GSTA1: variants seen among roughly 807,000 people sequenced by gnomAD.
GSTA1 encodes the protein glutathione S-transferase A1.
In GSTA1, 23 loss-of-function variants were observed where a neutral mutation model predicts 21.5. That is an observed-to-expected ratio of 1.07 (90% CI 0.77 to 1.52). The LOEUF (loss-of-function observed/expected upper bound fraction) is 1.52. Ranked by LOEUF, GSTA1 falls within the 40% of genes most tolerant of loss-of-function variation. GSTA1 has a pLI of 0.00. For missense variants in GSTA1, 301 were observed against 264.2 expected, an observed-to-expected ratio of 1.14 and a Z score of -0.96; for synonymous variants, 125 against 90.0, an observed-to-expected ratio of 1.39 and a Z score of -2.20.
intron 1 of GSTA1, among the ~76,000 whole-genome samples, chr6:52,801,012 G>C (rs1266321924): frequency 6.6e-6 from 1 of 152,140 alleles, no homozygotes; most frequent in South Asian, 2.1e-4. Context: ...CTCCTGAGTA[G>C]CTGGGATTAC....
chr6:52,802,834 A>G (rs1019155147), intron 1 of GSTA1, among the ~76,000 whole-genome samples: 2 of 152,188 alleles, frequency 1.3e-5, no homozygotes, highest in African/African-American at 2.4e-5. Context: ...CAAATCTGTC[A>G]TATGATGGCT....
At chr6:52,800,158 C>T (rs11969435) in intron 1 of GSTA1, among the ~76,000 whole-genome samples, 48,276 of 152,126 alleles carry the variant, frequency 0.32, 9,113 homozygotes, top group Non-Finnish European at 0.42. Context: ...ATCAGTTACA[C>T]ACTGGTCATT....
At position 52,800,185 on chromosome 6, in the gene GSTA1, C is replaced by T. The variant is rs1034209914; in HGVS notation, c.-30-888G>A. On this transcript the variant is annotated intron_variant, in intron 1 of 6. Coordinates refer to ENST00000334575, the MANE Select transcript of GSTA1 (RefSeq NM_145740.5). ...CTGGTCATTCTTCTAAACTTCTCTT[C>T]GTTTTATCCTACAAAAATCACCTAA... 1.6e-4 allele frequency among the ~76,000 whole-genome samples: 24 copies of T among 152,174 alleles called. 1 individual carries two copies. Among genetic ancestry groups the T allele is most frequent in the East Asian group, 5.8e-4 (3 of 5,202 alleles).
intron 5 of GSTA1, 21 bp downstream of exon 5, chr6:52,794,104 A>G: frequency 6.2e-7 from 1 of 1,613,332 alleles, no homozygotes; most frequent in Non-Finnish European, 8.5e-7. Flanking sequence ...GTTCCCCAAA[A>G]CACTGAACTG....
intron 1 of GSTA1, among the ~76,000 whole-genome samples, chr6:52,800,383 G>T (rs1763687033): frequency 6.6e-6 from 1 of 152,202 alleles, no homozygotes; most frequent in Non-Finnish European, 1.5e-5. Flanking sequence ...TCTTTCAGTA[G>T]ATTGTGAAAG....
intron 6 of GSTA1, among the ~76,000 whole-genome samples, chr6:52,792,564 G>A (rs1350044754): frequency 6.6e-6 from 1 of 152,148 alleles, no homozygotes; most frequent in Non-Finnish European, 1.5e-5. Context: ...AGAGAACTCA[G>A]GAACAGAAAC....
At position 52,796,227 on chromosome 6, in the gene GSTA1, G is replaced by C; in HGVS notation, c.227C>G (p.Ala76Gly). 2 of 1,613,742 alleles carry C rather than the reference G, an allele frequency of 1.2e-6. No homozygotes were observed. The highest frequency in any genetic ancestry group is 1.7e-6 in the Non-Finnish European group (2 of 1,179,938). ...VQTRAILNYIASKYNLYGKDI... is the reference protein window; with the variant it reads ...VQTRAILNYIGSKYNLYGKDI... ...TTTCCCATAGAGGTTGTATTTGCTG[G>C]CAATGTAGTTGAGAATGGCTCTGGT... The change falls in exon 4 of 7, where the codon GCC becomes GGC. Residue 76 changes from alanine to glycine, a missense_variant. Coordinates refer to ENST00000334575, the MANE Select transcript of GSTA1 (RefSeq NM_145740.5).
In GSTA1 at chr6:52,791,434, A is replaced by C; in HGVS notation, c.*424T>G. ...TAAAATGACTGTCCAGGAAAAGAAG[A>C]AAATGTCTTTATGCCATTATCCAGG... On this transcript the variant is annotated 3_prime_UTR_variant, in exon 7 of 7. Transcript: ENST00000334575. Among the ~76,000 whole-genome samples the C allele has an allele frequency of 6.6e-6, 1 of 152,258 alleles. No homozygotes were observed. The highest frequency in any genetic ancestry group is 1.5e-5 in the Non-Finnish European group (1 of 68,038).
intron 3 of GSTA1, among the ~76,000 whole-genome samples, chr6:52,796,540 TATA>T (rs1763593079): frequency 1.8e-5 from 1 of 57,102 alleles, no homozygotes; most frequent in African/African-American, 5.4e-5. Flanking sequence ...TATATATATA[TATA>T]TTTTTTTTTT....
At chr6:52,803,100 AG>A (rs1274459165) in intron 1 of GSTA1, among the ~76,000 whole-genome samples, 3 of 152,084 alleles carry the variant, frequency 2.0e-5, no homozygotes, top group Non-Finnish European at 4.4e-5. Flanking sequence ...GGGGAGGGAA[AG>A]GGGGTTACAA....
At chr6:52,802,526 C>A (rs940539290) in intron 1 of GSTA1, among the ~76,000 whole-genome samples, 5 of 152,172 alleles carry the variant, frequency 3.3e-5, no homozygotes, top group African/African-American at 1.2e-4. Flanking sequence ...TGTCCCAGTG[C>A]TTGGAAGATG....
chr6:52,793,405 A>G (rs564968876), intron 5 of GSTA1, among the ~76,000 whole-genome samples: 2 of 151,996 alleles, frequency 1.3e-5, no homozygotes, highest in Non-Finnish European at 2.9e-5. Flanking sequence ...CTTCATGACA[A>G]CACTCTTCCC....
chr6:52,796,695 A>G (rs1763599247), intron 3 of GSTA1, among the ~76,000 whole-genome samples: 1 of 150,124 alleles, frequency 6.7e-6, no homozygotes. Context: ...GCCATGCACC[A>G]GTGCACATGG....
At chr6:52,792,049 A>G in intron 6 of GSTA1, 69 bp from the exon 7 acceptor site, 1 of 1,598,374 alleles carries the variant, frequency 6.3e-7, no homozygotes, top group Non-Finnish European at 8.5e-7. Context: ...TGACCCAGGG[A>G]ATCTGAGCCC....
intron 3 of GSTA1, among the ~76,000 whole-genome samples, chr6:52,796,543 A>ATATTTTT (rs1300549721): frequency 5.1e-4 from 12 of 23,754 alleles, no homozygotes; most frequent in Non-Finnish European, 8.5e-4. Flanking sequence ...ATATATATAT[A>ATATTTTT]TTTTTTTTTT....
rs1000997845 is a variant in GSTA1, at chr6:52,792,807, C to T, written c.546+49G>A. 15 of 1,612,822 alleles carry T rather than the reference C, an allele frequency of 9.3e-6. No individual in the cohort carries two copies. In the African/African-American group the frequency reaches 1.5e-4, roughly 16 times the overall value. ...AGTCGCAGGGCCCAGATACAAGATCCCAAGATGGGAGATGTGGGGCTGCCT... is the reference window on the plus strand; with the variant it reads ...AGTCGCAGGGCCCAGATACAAGATCTCAAGATGGGAGATGTGGGGCTGCCT... On this transcript the variant is annotated intron_variant, in intron 6 of 6. Coordinates refer to ENST00000334575, the MANE Select transcript of GSTA1 (RefSeq NM_145740.5).
intron 3 of GSTA1, among the ~76,000 whole-genome samples, chr6:52,796,543 A>ATATATATT (rs1300549721): frequency 1.7e-4 from 4 of 23,758 alleles, no homozygotes; most frequent in South Asian, 1.6e-3. Flanking sequence ...ATATATATAT[A>ATATATATT]TTTTTTTTTT....
chr6:52,796,543 A>ATATATATATTTTTTTT (rs1300549721), intron 3 of GSTA1, among the ~76,000 whole-genome samples: 2 of 23,758 alleles, frequency 8.4e-5, no homozygotes, highest in East Asian at 9.6e-4. Context: ...ATATATATAT[A>ATATATATATTTTTTTT]TTTTTTTTTT....
chr6:52,791,863 AC>A lies in GSTA1; in HGVS notation c.663del (p.Arg221SerfsTer23), dbSNP rs1369911535. 6.2e-7 allele frequency: 1 copy of A among 1,613,874 alleles called. No individual in the cohort carries two copies. The highest frequency in any genetic ancestry group is 8.5e-7 in the Non-Finnish European group (1 of 1,179,910). On this transcript the variant is annotated frameshift_variant, in exon 7 of 7. Coordinates refer to ENST00000334575, the MANE Select transcript of GSTA1 (RefSeq NM_145740.5). LOFTEE classifies it high-confidence loss of function. ...KSLEEARKIF[R>X]F ...TGGCCTCCATGACTGCGTTATTAAA[AC>A]CTGAAAATCTTCCTTGCTTCTTCTA...
Sources: gnomAD v4.1 joint callset for allele counts (sites outside exome capture counted in the v4.1 genomes callset) on GRCh38, gnomAD v4.1.1 for gene constraint, MANE v1.5 for transcripts, NCBI Gene and HGNC (gene_info 2026-07-23, HGNC 2026-07-21) for gene names.